The following IL1RAPL2 variants were observed in gnomAD, a reference collection of about 807,000 sequenced individuals.
IL1RAPL2 encodes the protein interleukin 1 receptor accessory protein like 2, also known as X-linked interleukin-1 receptor accessory protein-like 2.
In IL1RAPL2, 3 loss-of-function variants were observed where a neutral mutation model predicts 44.1. The observed-to-expected ratio is 0.07, with a 90% CI of 0.03 to 0.18. The LOEUF (loss-of-function observed/expected upper bound fraction) is 0.18. Among genes scored for constraint, IL1RAPL2 ranks in the 10% least tolerant of loss-of-function variants. IL1RAPL2 has a pLI of 1.00. For missense variants in IL1RAPL2, 391 were observed against 496.4 expected (o/e 0.79, Z 2.02); for synonymous variants, 181 against 178.8 (o/e 1.01, Z -0.10).
chrX:105,679,898 A>G (rs1312374616), intron 6 of IL1RAPL2, among the ~76,000 whole-genome samples: 1 of 112,109 alleles, frequency 8.9e-6, no homozygotes, highest in East Asian at 2.8e-4. Flanking sequence ...TTCATAAAGA[A>G]TCTCAGATTG....
At chrX:105,501,357 C>G (rs2036393574) in intron 6 of IL1RAPL2, among the ~76,000 whole-genome samples, 1 of 111,564 alleles carries the variant, frequency 9.0e-6, no homozygotes, top group Non-Finnish European at 1.9e-5. Context: ...TGTACGATGG[C>G]TCATGCCTGT....
chrX:105,086,470 G>T (rs769443604), intron 2 of IL1RAPL2, among the ~76,000 whole-genome samples: 4 of 111,415 alleles, frequency 3.6e-5, no homozygotes, highest in Non-Finnish European at 7.5e-5. Context: ...ATGGCTGGGG[G>T]TGGGGAATGG....
intron 6 of IL1RAPL2, among the ~76,000 whole-genome samples, chrX:105,638,947 T>C (rs755261428): frequency 8.9e-5 from 10 of 111,992 alleles, no homozygotes; most frequent in Non-Finnish European, 1.5e-4. Flanking sequence ...AGAGAAAAAA[T>C]TACATTAATG....
At chrX:104,971,749 C>T (rs759380978) in intron 2 of IL1RAPL2, among the ~76,000 whole-genome samples, 152 of 111,287 alleles carry the variant, frequency 1.4e-3, no homozygotes, top group Non-Finnish European at 1.5e-3. Flanking sequence ...CTCCATAGTG[C>T]CACTAGTCCT....
chrX:105,642,656 T>C (rs2037577579), intron 6 of IL1RAPL2, among the ~76,000 whole-genome samples: 1 of 112,396 alleles, frequency 8.9e-6, no homozygotes, highest in African/African-American at 3.2e-5. Flanking sequence ...GACGAATTTC[T>C]ACTCTATTCA....
At chrX:105,662,087 C>A (rs1193323561) in intron 6 of IL1RAPL2, among the ~76,000 whole-genome samples, 1 of 112,193 alleles carries the variant, frequency 8.9e-6, no homozygotes, top group African/African-American at 3.2e-5. Context: ...CTCACAGAAA[C>A]TTTCCCTATC....
chrX:104,992,420 T>C (rs917400436), intron 2 of IL1RAPL2, among the ~76,000 whole-genome samples: 1 of 111,569 alleles, frequency 9.0e-6, no homozygotes, highest in African/African-American at 3.3e-5. Context: ...TTGAACTCCT[T>C]ATCTCTTCAG....
chrX:104,888,734 TG>T (rs1402054972), intron 2 of IL1RAPL2, among the ~76,000 whole-genome samples: 1 of 109,718 alleles, frequency 9.1e-6, no homozygotes, highest in Non-Finnish European at 1.9e-5. Flanking sequence ...GCAAAAAAAC[TG>T]GGTCTTTACC....
intron 1 of IL1RAPL2, among the ~76,000 whole-genome samples, chrX:104,655,305 G>C (rs1246907705): frequency 9.0e-6 from 1 of 111,217 alleles, no homozygotes; most frequent in Non-Finnish European, 1.9e-5. Flanking sequence ...ATTGGCTGTG[G>C]GTTTGTCATA....
chrX:104,730,388 A>G (rs1275798244), intron 2 of IL1RAPL2, among the ~76,000 whole-genome samples: 1 of 59,970 alleles, frequency 1.7e-5, no homozygotes, highest in Non-Finnish European at 3.4e-5. Flanking sequence ...CCACCCCAGA[A>G]CAGTCCCCAG....
chrX:104,823,567 C>T (rs1481896005), intron 2 of IL1RAPL2, among the ~76,000 whole-genome samples: 1 of 107,773 alleles, frequency 9.3e-6, no homozygotes, highest in African/African-American at 3.4e-5. Flanking sequence ...CATACGTGTG[C>T]ATGTGTCTTT....
chrX:105,343,197 A>C (rs2147700563), intron 5 of IL1RAPL2, among the ~76,000 whole-genome samples: 1 of 112,002 alleles, frequency 8.9e-6, no homozygotes, highest in African/African-American at 3.2e-5. Context: ...CCATCAAGCA[A>C]GGCAAGGCTA....
rs764700952 is a variant in IL1RAPL2 at position 105,618,077 on chromosome X, C to G, written c.773-99290C>G. On this transcript the variant is annotated intron_variant, in intron 6 of 10. Transcript: ENST00000372582. ...GTATGTGTCCATTTTACCCACACTT[C>G]CAGTAATAAAGATACTCGCTCTCTG... is the stretch of plus-strand genomic sequence containing the variant. Among the ~76,000 whole-genome samples the G allele has an allele frequency of 5.5e-5, 6 of 109,586 alleles. No individual in the cohort carries two copies. The South Asian group carries it at 1.2e-3, about 21-fold the overall frequency.
At chrX:105,317,484 C>T (rs953836853) in intron 5 of IL1RAPL2, among the ~76,000 whole-genome samples, 1 of 111,785 alleles carries the variant, frequency 8.9e-6, no homozygotes, top group Non-Finnish European at 1.9e-5. Flanking sequence ...AAGGCATTTT[C>T]GAGGAATTAT....
intron 5 of IL1RAPL2, among the ~76,000 whole-genome samples, chrX:105,349,909 G>A (rs1017727459): frequency 1.3e-4 from 15 of 111,866 alleles, no homozygotes; most frequent in Non-Finnish European, 2.8e-4. Context: ...TCTCTTAGAT[G>A]AAAGGATACT....
chrX:105,116,356 G>T (rs2147569347), intron 2 of IL1RAPL2, among the ~76,000 whole-genome samples: 1 of 113,134 alleles, frequency 8.8e-6, no homozygotes, highest in East Asian at 2.8e-4. Context: ...TTGCACAGTT[G>T]TAAAAATTAG....
At chrX:105,556,496 C>T (rs1308267201) in intron 6 of IL1RAPL2, among the ~76,000 whole-genome samples, 2 of 111,231 alleles carry the variant, frequency 1.8e-5, no homozygotes, top group Non-Finnish European at 1.9e-5. Flanking sequence ...ACAGCCTATA[C>T]TCAACACCAT....
intron 2 of IL1RAPL2, among the ~76,000 whole-genome samples, chrX:104,852,828 T>C (rs957941598): frequency 1.8e-5 from 2 of 111,855 alleles, no homozygotes; most frequent in Non-Finnish European, 3.8e-5. Context: ...GATGAATTGC[T>C]TCTGGGATGA....
rs754527053 is a variant in IL1RAPL2 at position 105,710,044 on chromosome X, A to G, written c.773-7323A>G. 9.2e-4 allele frequency among the ~76,000 whole-genome samples: 102 copies of G among 111,333 alleles called. 1 individual carries two copies. The highest frequency in any genetic ancestry group is 1.7e-3 in the Non-Finnish European group (92 of 53,020). ...CAATACTCCTTTAACCAAGAAAACA[A>G]TGCTCTGTCTCATCTTACTTTGAGG... On this transcript the variant is annotated intron_variant, in intron 6 of 10. Coordinates refer to ENST00000372582, the MANE Select transcript of IL1RAPL2 (RefSeq NM_017416.2).
Sources: allele counts gnomAD v4.1 joint callset (sites outside exome capture counted in the v4.1 genomes callset), GRCh38; gene constraint gnomAD v4.1.1; transcripts MANE v1.5; gene names NCBI Gene and HGNC (gene_info 2026-07-23, HGNC 2026-07-21).